TNR: variants seen among roughly 807,000 people sequenced by gnomAD.
TNR encodes tenascin-R.
In TNR, 45 loss-of-function variants were observed where a neutral mutation model predicts 150.4. The ratio of observed to expected loss-of-function variants is 0.30; its 90% CI spans 0.24 to 0.38. The LOEUF (loss-of-function observed/expected upper bound fraction) is 0.38, where lower values mean the gene tolerates loss of function less well. Ranked by LOEUF, TNR falls within the 10% of genes least tolerant of loss-of-function variation. The probability of loss-of-function intolerance (pLI) is 1.00; values close to 1 mark genes in which losing one functional copy is unlikely to be tolerated. For synonymous variants in TNR, 687 were observed against 678.4 expected (o/e 1.01, Z -0.20); for missense variants, 1,544 against 1,759.1 (o/e 0.88, Z 2.19).
At chr1:175,397,879 C>A (rs1653507536) in intron 4 of TNR, among the ~76,000 whole-genome samples, 2 of 152,192 alleles carry the variant, frequency 1.3e-5, no homozygotes, top group African/African-American at 4.8e-5. Context: ...GCCTTTAAGA[C>A]TAACTAAGAG....
intron 9 of TNR, among the ~76,000 whole-genome samples, chr1:175,369,780 C>A (rs1027816553): frequency 1.3e-5 from 2 of 152,156 alleles, no homozygotes; most frequent in Admixed American, 6.5e-5. Flanking sequence ...TGATTTTGAT[C>A]GGAAATACTT....
At chr1:175,447,742 G>A (rs1656128701) in intron 2 of TNR, among the ~76,000 whole-genome samples, 1 of 152,158 alleles carries the variant, frequency 6.6e-6, no homozygotes, top group Admixed American at 6.5e-5. Flanking sequence ...GGCAAACAGT[G>A]GCTCCTGAGG....
chr1:175,663,945 C>T lies in TNR; in HGVS notation c.-165+79281G>A, dbSNP rs142170652. ...AGGGGTAACTTGGAGATGGCCTGTCCAGAATAAAGAGCTCACCAGCATTTA... is the reference window on the plus strand; with the variant it reads ...AGGGGTAACTTGGAGATGGCCTGTCTAGAATAAAGAGCTCACCAGCATTTA... On this transcript the variant is annotated intron_variant, in intron 1 of 22. Transcript: ENST00000367674. 2.0e-3 allele frequency among the ~76,000 whole-genome samples: 297 copies of T among 152,232 alleles called. 3 individuals carry two copies. The highest frequency in any genetic ancestry group is 6.9e-3 in the African/African-American group (285 of 41,524).
chr1:175,651,271 T>G (rs1172985018), intron 1 of TNR, among the ~76,000 whole-genome samples: 1 of 150,246 alleles, frequency 6.7e-6, no homozygotes, highest in Non-Finnish European at 1.5e-5. Flanking sequence ...TCTAGGCTTT[T>G]GGGATCAAGA....
chr1:175,583,455 C>A (rs1662444052), intron 1 of TNR, among the ~76,000 whole-genome samples: 1 of 152,136 alleles, frequency 6.6e-6, no homozygotes, highest in South Asian at 2.1e-4. Context: ...AGCCGGCTGC[C>A]AAGGTCATGC....
chr1:175,729,163 C>T lies in TNR; in HGVS notation c.-165+14063G>A, dbSNP rs561434103. ...TGTTCCTTGACGAGTTTTTTCCTTC[C>T]TTCCATTTTTTTTAAACAATAATTT... On this transcript the variant is annotated intron_variant, in intron 1 of 22. Coordinates refer to ENST00000367674, the MANE Select transcript of TNR (RefSeq NM_003285.3). 1.3e-3 allele frequency among the ~76,000 whole-genome samples: 195 copies of T among 152,072 alleles called. 1 individual carries two copies. Among genetic ancestry groups the T allele is most frequent in the Middle Eastern group, 0.01 (3 of 294 alleles).
chr1:175,720,556 C>T (rs867707262), intron 1 of TNR, among the ~76,000 whole-genome samples: 21 of 152,070 alleles, frequency 1.4e-4, no homozygotes, highest in African/African-American at 4.3e-4. Flanking sequence ...GGAGTTTACA[C>T]GTAAGTAAAG....
intron 19 of TNR, among the ~76,000 whole-genome samples, chr1:175,337,310 G>T (rs1296296741): frequency 6.6e-6 from 1 of 152,172 alleles, no homozygotes; most frequent in Non-Finnish European, 1.5e-5. Flanking sequence ...TCCTCCTTCT[G>T]TGAGGACAGA....
chr1:175,372,646 C>T (rs180970257), intron 9 of TNR, among the ~76,000 whole-genome samples: 1 of 152,214 alleles, frequency 6.6e-6, no homozygotes, highest in Non-Finnish European at 1.5e-5. Context: ...ATTCTTCATG[C>T]CTGCTGTCGC....
At chr1:175,491,310 C>A (rs1322005603) in intron 2 of TNR, among the ~76,000 whole-genome samples, 1 of 152,166 alleles carries the variant, frequency 6.6e-6, no homozygotes, top group Non-Finnish European at 1.5e-5. Flanking sequence ...TGTAGCTAAC[C>A]ACCATGGCAC....
chr1:175,520,088 C>T lies in TNR; in HGVS notation c.-64+8181G>A, dbSNP rs185801367. Among the ~76,000 whole-genome samples, 20 of 152,210 alleles carry T rather than the reference C, an allele frequency of 1.3e-4. No individual in the cohort carries two copies. In the South Asian group the frequency reaches 1.5e-3, roughly 11 times the overall value. ...TTGGTTGTTAAGAGAAGTAAATGAG[C>T]GAATAAACATAAAGTAATCAAAAAG... On this transcript the variant is annotated intron_variant, in intron 2 of 22. Transcript: ENST00000367674.
chr1:175,517,614 A>G (rs1426576203), intron 2 of TNR, among the ~76,000 whole-genome samples: 1 of 152,228 alleles, frequency 6.6e-6, no homozygotes, highest in Non-Finnish European at 1.5e-5. Flanking sequence ...TGGACTCGCC[A>G]TGAGGTGAGA....
At chr1:175,534,123 G>A (rs985710496) in intron 1 of TNR, among the ~76,000 whole-genome samples, 11 of 152,314 alleles carry the variant, frequency 7.2e-5, no homozygotes, top group Admixed American at 5.9e-4. Context: ...TTATGTTGGT[G>A]GCTCAACAAC....
At chr1:175,623,855 G>A (rs904692112) in intron 1 of TNR, among the ~76,000 whole-genome samples, 10 of 152,216 alleles carry the variant, frequency 6.6e-5, no homozygotes, top group Admixed American at 4.6e-4. Context: ...AGTGCTCCGG[G>A]GCCCACACTG....
At chr1:175,728,253 A>G (rs1667534439) in intron 1 of TNR, among the ~76,000 whole-genome samples, 1 of 152,222 alleles carries the variant, frequency 6.6e-6, no homozygotes, top group Admixed American at 6.5e-5. Context: ...GGCTGCAATT[A>G]TGTAATTGCT....
At chr1:175,457,518 A>G (rs1032386592) in intron 2 of TNR, among the ~76,000 whole-genome samples, 16 of 152,166 alleles carry the variant, frequency 1.1e-4, no homozygotes, top group African/African-American at 3.9e-4. Context: ...TCTGTTACTC[A>G]CCCACTGTGC....
At chr1:175,706,777 T>C (rs1422158973) in intron 1 of TNR, among the ~76,000 whole-genome samples, 1 of 152,032 alleles carries the variant, frequency 6.6e-6, no homozygotes, top group Admixed American at 6.6e-5. Flanking sequence ...TAAACAGCCC[T>C]TCAAATAAGC....
chr1:175,511,568 C>T (rs1417150013), intron 2 of TNR, among the ~76,000 whole-genome samples: 2 of 152,224 alleles, frequency 1.3e-5, no homozygotes, highest in Non-Finnish European at 1.5e-5. Flanking sequence ...CATTTGGCGC[C>T]TCTGAGAAGT....
intron 4 of TNR, among the ~76,000 whole-genome samples, chr1:175,401,665 T>A (rs1653707553): frequency 6.6e-6 from 1 of 152,156 alleles, no homozygotes; most frequent in Non-Finnish European, 1.5e-5. Context: ...TTGAAAATAA[T>A]TTAAGTTGAA....
Sources: allele counts gnomAD v4.1 joint callset (sites outside exome capture counted in the v4.1 genomes callset), GRCh38; gene constraint gnomAD v4.1.1; transcripts MANE v1.5; gene names NCBI Gene and HGNC (gene_info 2026-07-23, HGNC 2026-07-21).